The following NELL1 variants were observed in gnomAD, a reference collection of about 807,000 sequenced individuals.
NELL1 encodes protein kinase C-binding protein NELL1.
Under a neutral mutation model 107.4 loss-of-function variants are expected in NELL1, and 76 were observed. That is an observed-to-expected ratio of 0.71 (90% CI 0.59 to 0.86). NELL1 has a LOEUF of 0.86. Ranked by LOEUF, NELL1 falls within the 40% of genes least tolerant of loss-of-function variation. The pLI is 0.00. For missense variants in NELL1, 1,024 were observed against 1,005.5 expected, an observed-to-expected ratio of 1.02 and a Z score of -0.25; for synonymous variants, 353 against 341.2, an observed-to-expected ratio of 1.03 and a Z score of -0.38.
chr11:20,959,274 C>T (rs939464633), intron 11 of NELL1, among the ~76,000 whole-genome samples: 2 of 152,102 alleles, frequency 1.3e-5, no homozygotes, highest in African/African-American at 4.8e-5. Flanking sequence ...CCTGAAAGAA[C>T]TAAAAGTAGA....
intron 12 of NELL1, among the ~76,000 whole-genome samples, chr11:21,038,356 G>C (rs557184862): frequency 6.6e-6 from 1 of 152,000 alleles, no homozygotes; most frequent in East Asian, 1.9e-4. Context: ...TGAGTCTATT[G>C]GTTATAACTA....
At chr11:21,442,332 A>G (rs1323070734) in intron 15 of NELL1, among the ~76,000 whole-genome samples, 2 of 152,160 alleles carry the variant, frequency 1.3e-5, no homozygotes, top group Non-Finnish European at 2.9e-5. Context: ...GTTTGTGTGT[A>G]TGTTAAACGG....
chr11:21,426,920 A>G (rs1340392988), intron 15 of NELL1, among the ~76,000 whole-genome samples: 1 of 152,088 alleles, frequency 6.6e-6, no homozygotes, highest in East Asian at 1.9e-4. Context: ...AGCTTATGGG[A>G]GAATCTGAAA....
intron 14 of NELL1, among the ~76,000 whole-genome samples, chr11:21,286,055 A>G (rs962871863): frequency 6.6e-6 from 1 of 152,224 alleles, no homozygotes; most frequent in Non-Finnish European, 1.5e-5. Flanking sequence ...TGTCTCGCCT[A>G]TTACCTTTGG....
chr11:21,506,893 T>A (rs570203107), intron 15 of NELL1, among the ~76,000 whole-genome samples: 31 of 152,174 alleles, frequency 2.0e-4, no homozygotes, highest in Non-Finnish European at 3.8e-4. Context: ...TCATTTCTGG[T>A]CTGTCATTGT....
intron 10 of NELL1, 83 bp from the exon 11 acceptor site, chr11:20,947,253 G>T (rs1850980855): frequency 1.2e-6 from 1 of 861,710 alleles, no homozygotes; most frequent in Non-Finnish European, 2.0e-6. Context: ...ATCACTGCAG[G>T]CTATTAACAA....
At chr11:21,066,361 T>G (rs1267874130) in intron 12 of NELL1, among the ~76,000 whole-genome samples, 1 of 152,224 alleles carries the variant, frequency 6.6e-6, no homozygotes, top group East Asian at 1.9e-4. Flanking sequence ...TTTCTTCTCT[T>G]ACTGTATTAG....
chr11:21,407,955 CT>C (rs1433468865), intron 15 of NELL1, among the ~76,000 whole-genome samples: 2 of 151,872 alleles, frequency 1.3e-5, no homozygotes, highest in Non-Finnish European at 2.9e-5. Context: ...GCATCTCTTT[CT>C]CCTTGGAACC....
At chr11:20,721,503 A>G (rs1466083081) in intron 2 of NELL1, among the ~76,000 whole-genome samples, 1 of 152,070 alleles carries the variant, frequency 6.6e-6, no homozygotes, top group Non-Finnish European at 1.5e-5. Flanking sequence ...GTGGGAAAAT[A>G]AGAAAGGTGA....
intron 17 of NELL1, among the ~76,000 whole-genome samples, chr11:21,568,122 T>C (rs1357852050): frequency 6.6e-6 from 1 of 151,888 alleles, no homozygotes; most frequent in Non-Finnish European, 1.5e-5. Flanking sequence ...AATAGCTTGC[T>C]ACACACCTAG....
At chr11:21,372,526 TGTAA>T (rs1244486907) in intron 15 of NELL1, among the ~76,000 whole-genome samples, 1 of 151,988 alleles carries the variant, frequency 6.6e-6, no homozygotes, top group Non-Finnish European at 1.5e-5. Flanking sequence ...ATTTAGCTGG[TGTAA>T]GTAACTTATG....
intron 15 of NELL1, among the ~76,000 whole-genome samples, chr11:21,491,158 T>TGGTAGTTG (rs1854797244): frequency 3.3e-5 from 5 of 152,146 alleles, no homozygotes; most frequent in Non-Finnish European, 5.9e-5. Flanking sequence ...GCCTGTTCAC[T>TGGTAGTTG]CTGATGGTAG....
chr11:21,282,150 G>GA (rs920875250), intron 14 of NELL1, among the ~76,000 whole-genome samples: 20 of 150,464 alleles, frequency 1.3e-4, no homozygotes, highest in African/African-American at 3.7e-4. Context: ...AACTCTATAG[G>GA]AAAAAAAAAT....
At chr11:21,264,298 T>C (rs1848595739) in intron 14 of NELL1, among the ~76,000 whole-genome samples, 1 of 151,870 alleles carries the variant, frequency 6.6e-6, no homozygotes, top group Non-Finnish European at 1.5e-5. Flanking sequence ...TCACTTTCCT[T>C]ATCTATGAAG....
At chr11:20,822,761 T>C (rs1857786833) in intron 3 of NELL1, among the ~76,000 whole-genome samples, 1 of 152,104 alleles carries the variant, frequency 6.6e-6, no homozygotes, top group African/African-American at 2.4e-5. Context: ...TGGTTACCAG[T>C]GCAGGATGGG....
intron 13 of NELL1, among the ~76,000 whole-genome samples, chr11:21,157,809 A>G (rs949427954): frequency 5.9e-5 from 9 of 152,220 alleles, no homozygotes; most frequent in African/African-American, 1.7e-4. Context: ...TAAAATGAGT[A>G]TAACACTAGT....
chr11:21,423,500 TAAG>T (rs1370719327), intron 15 of NELL1, among the ~76,000 whole-genome samples: 3 of 152,026 alleles, frequency 2.0e-5, no homozygotes, highest in Non-Finnish European at 4.4e-5. Context: ...GACAGAATTA[TAAG>T]AAGAAATAGG....
Position 20,720,573 on chromosome 11 carries a change from G to A in NELL1, c.184+42513G>A, listed in dbSNP as rs539197185. Among the ~76,000 whole-genome samples the A allele has an allele frequency of 1.7e-4, 26 of 152,176 alleles. 1 individual carries two copies. Among genetic ancestry groups the A allele is most frequent in the African/African-American group, 6.3e-4 (26 of 41,548 alleles). The stretch of plus-strand genomic sequence containing the variant: ...CTAGCAAAGTACTGTTGACTAGGTG[G>A]CTTAGAAAACAGAATTTTTTCTTTC... On this transcript the variant is annotated intron_variant, in intron 2 of 19. Coordinates refer to ENST00000357134, the MANE Select transcript of NELL1 (RefSeq NM_006157.5).
At chr11:20,675,099 C>A (rs773905809) in intron 1 of NELL1, among the ~76,000 whole-genome samples, 1 of 152,032 alleles carries the variant, frequency 6.6e-6, no homozygotes, top group Non-Finnish European at 1.5e-5. Flanking sequence ...GTGGACCAGC[C>A]GGGACATGTT....
Sources: gnomAD v4.1 joint callset for allele counts (sites outside exome capture counted in the v4.1 genomes callset) on GRCh38, gnomAD v4.1.1 for gene constraint, MANE v1.5 for transcripts, NCBI Gene and HGNC (gene_info 2026-07-23, HGNC 2026-07-21) for gene names.